TBC1D20: variants seen among roughly 807,000 people sequenced by gnomAD.
TBC1D20 encodes the protein chromosome 20 open reading frame 140.
A neutral mutation model predicts 41.6 loss-of-function variants in TBC1D20; 12 were observed. That is an observed-to-expected ratio of 0.29 (90% CI 0.18 to 0.47). The LOEUF is 0.47. Ranked by LOEUF, TBC1D20 falls within the 20% of genes least tolerant of loss-of-function variation. The pLI is 1.00. For synonymous variants in TBC1D20, 205 were observed against 204.8 expected (o/e 1.00, Z -0.01); for missense variants, 421 against 517.4 (o/e 0.81, Z 1.81).
chr20:449,955 T>G (rs1355513995), intron 1 of TBC1D20, among the ~76,000 whole-genome samples: 1 of 152,204 alleles, frequency 6.6e-6, no homozygotes. Context: ...TGTCAATGTT[T>G]TCATACAAGA....
At chr20:451,574 T>C (rs771900552) in intron 1 of TBC1D20, among the ~76,000 whole-genome samples, 7 of 152,016 alleles carry the variant, frequency 4.6e-5, no homozygotes, top group Non-Finnish European at 8.8e-5. Context: ...AATAAATAAA[T>C]TCTCTCGGCT....
Position 439,806 on chromosome 20 carries a change from A to C in TBC1D20, c.768+442T>G, listed in dbSNP as rs1568574797. On this transcript the variant is annotated intron_variant, in intron 6 of 7. Transcript: ENST00000354200. The surrounding 1 kb of genome is among the most constrained non-coding windows in gnomAD (Gnocchi z 4.6). ...TCCCATCTCCACCCCATCCCTCAAG[A>C]CCCTTCTACTAACTGAAGCCCCTAC... Among the ~76,000 whole-genome samples, 2 of 151,748 alleles carry C rather than the reference A, an allele frequency of 1.3e-5. No homozygotes were observed. Among genetic ancestry groups the C allele is most frequent in the African/African-American group, 4.8e-5 (2 of 41,290 alleles).
rs1424511853 is a variant in TBC1D20 at position 462,495 on chromosome 20, C to T, written c.-90G>A. On this transcript the variant is annotated 5_prime_UTR_variant, in exon 1 of 8. Coordinates refer to ENST00000354200, the MANE Select transcript of TBC1D20 (RefSeq NM_144628.4). ...CCGACCGCGGGACGTAGCACCCGCTCGGCATCGGCAGGCTCCCCTCCGTCG... is the reference window on the plus strand; with the variant it reads ...CCGACCGCGGGACGTAGCACCCGCTTGGCATCGGCAGGCTCCCCTCCGTCG... 4.0e-6 allele frequency: 3 copies of T among 750,242 alleles called. No individual in the cohort carries two copies. In the East Asian group the frequency reaches 1.6e-4, roughly 41 times the overall value. 46.5% of individuals were successfully genotyped at this position (750,242 alleles called of 1,614,324 possible). A position where few individuals can be genotyped will look rare whatever the true frequency, so the allele number is the denominator to read the frequency against.
At chr20:443,638 T>C (rs899647755) in intron 3 of TBC1D20, among the ~76,000 whole-genome samples, 12 of 152,234 alleles carry the variant, frequency 7.9e-5, no homozygotes, top group East Asian at 3.9e-4. Flanking sequence ...GGGCTGCTGA[T>C]AGGTGAAGCA....
At chr20:453,335 G>A (rs564078196) in intron 1 of TBC1D20, among the ~76,000 whole-genome samples, 7 of 150,624 alleles carry the variant, frequency 4.6e-5, no homozygotes, top group Non-Finnish European at 7.4e-5. Context: ...TTAGCCGGGC[G>A]TGGCGGCGCA....
In TBC1D20 at chr20:438,412, A is replaced by G. The variant is rs1186790586; in HGVS notation, c.*174T>C. ...CCCCCAGGTCCCCTCTGTGTCAGGT[A>G]GGCTCTGCTACTGGCCTCTGAAGTA... On this transcript the variant is annotated 3_prime_UTR_variant, in exon 8 of 8. Coordinates refer to ENST00000354200, the MANE Select transcript of TBC1D20 (RefSeq NM_144628.4). 4 of 704,896 alleles carry G rather than the reference A, an allele frequency of 5.7e-6. No individual in the cohort carries two copies. Among genetic ancestry groups the G allele is most frequent in the Non-Finnish European group, 7.0e-6 (3 of 430,020 alleles). 43.7% of individuals were successfully genotyped at this position (704,896 alleles called of 1,614,324 possible).
At chr20:441,754 GGC>G in intron 4 of TBC1D20, 65 bp from the exon 5 acceptor site, 1 of 1,594,622 alleles carries the variant, frequency 6.3e-7, no homozygotes, top group Non-Finnish European at 8.6e-7. Context: ...GGGTGGCGAG[GGC>G]TCAAACTCCT....
At chr20:457,409 G>A (rs972006765) in intron 1 of TBC1D20, among the ~76,000 whole-genome samples, 40 of 151,968 alleles carry the variant, frequency 2.6e-4, no homozygotes, top group African/African-American at 8.9e-4. Context: ...TTTTGTAGAG[G>A]TGGGGTCTCA....
chr20:448,138 C>T, intron 1 of TBC1D20, 64 bp from the exon 2 acceptor site: 1 of 1,204,996 alleles, frequency 8.3e-7, no homozygotes, highest in Admixed American at 1.8e-5. Flanking sequence ...CTGCCTAGGA[C>T]TCAAGCTCCT....
Position 435,672 on chromosome 20 carries a change from G to C in TBC1D20, c.*2914C>G, listed in dbSNP as rs1453640840. 1 of 153,254 alleles carries C rather than the reference G, an allele frequency of 6.5e-6. No individual in the cohort carries two copies. The highest frequency in any genetic ancestry group is 1.5e-5 in the Non-Finnish European group (1 of 68,074). 9.5% of individuals were successfully genotyped at this position (153,254 alleles called of 1,614,324 possible). A position where few individuals can be genotyped will look rare whatever the true frequency, so the allele number is the denominator to read the frequency against. The stretch of plus-strand genomic sequence containing the variant: ...TCGTTCCCCTCCCTCCACATGTTCA[G>C]CTCTTCAGAAGCTCCCGTGTTCCTG... On this transcript the variant is annotated 3_prime_UTR_variant, in exon 8 of 8. Transcript: ENST00000354200.
intron 1 of TBC1D20, among the ~76,000 whole-genome samples, chr20:459,193 G>A (rs766488876): frequency 1.3e-5 from 2 of 152,146 alleles, no homozygotes; most frequent in African/African-American, 4.8e-5. Context: ...TTCCGAAAGA[G>A]AAACATCATA....
rs1359089432 is a variant in TBC1D20 at position 439,877 on chromosome 20, CTT to C, written c.768+369_768+370del. ...CCTTGTCTGTCATGACACCAGATCT[CTT>C]CTTTTCTTAAATCTGGAGTTGACAG... is the stretch of plus-strand genomic sequence containing the variant. On this transcript the variant is annotated intron_variant, in intron 6 of 7. Transcript: ENST00000354200. This position sits in a 1 kb window ranked among gnomAD's most constrained non-coding sequence, Gnocchi z 4.6. 6.6e-6 allele frequency among the ~76,000 whole-genome samples: 1 copy of C among 152,204 alleles called. No individual in the cohort carries two copies. The highest frequency in any genetic ancestry group is 1.9e-4 in the East Asian group (1 of 5,196).
chr20:449,222 G>A (rs1389668707), intron 1 of TBC1D20, among the ~76,000 whole-genome samples: 2 of 106,226 alleles, frequency 1.9e-5, no homozygotes, highest in African/African-American at 3.9e-5. Flanking sequence ...GCACGATCTC[G>A]GCTCACTGCA....
Position 437,578 on chromosome 20 carries a change from G to A in TBC1D20, c.*1008C>T, listed in dbSNP as rs958669837. ...AGTCAAGTCAGACCCAAAAAACGAC[G>A]CCAAGGTAGTGAGTGGGTGCCTATT... On this transcript the variant is annotated 3_prime_UTR_variant, in exon 8 of 8. Coordinates refer to ENST00000354200, the MANE Select transcript of TBC1D20 (RefSeq NM_144628.4). 1 of 152,386 alleles carries A rather than the reference G, an allele frequency of 6.6e-6. No homozygotes were observed. The highest frequency in any genetic ancestry group is 2.4e-5 in the African/African-American group (1 of 41,434). 9.4% of individuals were successfully genotyped at this position (152,386 alleles called of 1,614,324 possible).
At chr20:452,029 C>T (rs2017451353) in intron 1 of TBC1D20, among the ~76,000 whole-genome samples, 1 of 152,130 alleles carries the variant, frequency 6.6e-6, no homozygotes, top group Admixed American at 6.6e-5. Context: ...AAGCAAAAGG[C>T]CGGGCACAGT....
Position 445,141 on chromosome 20 carries a change from A to G in TBC1D20, c.257-11T>C. ...GCCGTAGGTTCTTCCCTATTGAAGG[A>G]AAAGGCACGTTATTGCAGGAATGCC... On this transcript the variant is annotated splice_polypyrimidine_tract_variant and intron_variant, in intron 2 of 7. Coordinates refer to ENST00000354200, the MANE Select transcript of TBC1D20 (RefSeq NM_144628.4). 3.2e-6 allele frequency: 5 copies of G among 1,582,378 alleles called. No individual in the cohort carries two copies. Among genetic ancestry groups the G allele is most frequent in the Non-Finnish European group, 4.3e-6 (5 of 1,159,560 alleles).
In TBC1D20 at chr20:445,101, A is replaced by G. The variant is rs1250705746; in HGVS notation, c.286T>C (p.Tyr96His). The G allele has an allele frequency of 2.5e-6, 4 of 1,603,920 alleles. No individual in the cohort carries two copies. The highest frequency in any genetic ancestry group is 3.4e-6 in the Non-Finnish European group (4 of 1,173,818). ...GKNLRQMSKD[Y>H]QQVLLDVRRS... ...CGGACGTCCAGCAACACTTGTTGGT[A>G]GTCCTTGCTCATCTGCCGTAGGTTC... Residue 96 changes from tyrosine to histidine, a missense_variant, in exon 3 of 8, where the codon TAC (tyrosine) becomes CAC (histidine). Physicochemically the swap from Tyr to His is moderately conservative, Grantham distance 83. Coordinates refer to ENST00000354200, the MANE Select transcript of TBC1D20 (RefSeq NM_144628.4).
intron 1 of TBC1D20, among the ~76,000 whole-genome samples, chr20:460,854 G>A (rs981046809): frequency 6.6e-6 from 1 of 152,154 alleles, no homozygotes; most frequent in Non-Finnish European, 1.5e-5. Context: ...GAAACTAGAG[G>A]GGGTAAAGTC....
chr20:451,505 G>A (rs979244900), intron 1 of TBC1D20, among the ~76,000 whole-genome samples: 5 of 152,222 alleles, frequency 3.3e-5, no homozygotes, highest in South Asian at 2.1e-4. Flanking sequence ...CCGAGATAGC[G>A]TCACTGCACT....
Sources: gnomAD v4.1 joint callset for allele counts (sites outside exome capture counted in the v4.1 genomes callset) on GRCh38, gnomAD v4.1.1 for gene constraint, Gnocchi (gnomAD v3.1) non-coding constraint, MANE v1.5 for transcripts, NCBI Gene and HGNC (gene_info 2026-07-23, HGNC 2026-07-21) for gene names.